Variants in CMSS1 observed in about 807,000 individuals in gnomAD.
CMSS1 encodes the protein cms1 ribosomal small subunit homolog.
A neutral mutation model predicts 43.5 loss-of-function variants in CMSS1; 33 were observed. The observed-to-expected ratio is 0.76, with a 90% CI of 0.57 to 1.01. The LOEUF (loss-of-function observed/expected upper bound fraction) is 1.01. Among genes scored for constraint, CMSS1 ranks in the 50% least tolerant of loss-of-function variants. The pLI is 0.00. For synonymous variants in CMSS1, 115 were observed against 117.2 expected, an observed-to-expected ratio of 0.98 and a Z score of 0.12; for missense variants, 313 against 326.4, an observed-to-expected ratio of 0.96 and a Z score of 0.32.
intron 2 of CMSS1, among the ~76,000 whole-genome samples, chr3:100,147,853 A>T (rs191758904): frequency 6.6e-6 from 1 of 152,108 alleles, no homozygotes; most frequent in Non-Finnish European, 1.5e-5. Context: ...AGAATTGGCC[A>T]TTTGGATAAT....
At chr3:100,028,564 A>C (rs2064968149) in intron 1 of CMSS1, among the ~76,000 whole-genome samples, 1 of 152,156 alleles carries the variant, frequency 6.6e-6, no homozygotes, top group Non-Finnish European at 1.5e-5. Context: ...CTAATTACAA[A>C]ATTTTTCATT....
intron 9 of CMSS1, among the ~76,000 whole-genome samples, chr3:100,177,991 C>T (rs1476492914): frequency 6.6e-6 from 1 of 152,148 alleles, no homozygotes; most frequent in African/African-American, 2.4e-5. Flanking sequence ...TCATGGCACA[C>T]ACCTCTAATC....
At chr3:99,853,670 A>C (rs139853178) in intron 1 of CMSS1, among the ~76,000 whole-genome samples, 1 of 152,144 alleles carries the variant, frequency 6.6e-6, no homozygotes, top group Non-Finnish European at 1.5e-5. Flanking sequence ...GTTTTTGTAA[A>C]TTAGTTGGCA....
chr3:99,998,431 A>T (rs1576630456), intron 1 of CMSS1, among the ~76,000 whole-genome samples: 1 of 152,218 alleles, frequency 6.6e-6, no homozygotes, highest in African/African-American at 2.4e-5. Context: ...TAAACTATAT[A>T]TACGTACTCA....
At chr3:99,894,270 T>A (rs751285938) in intron 1 of CMSS1, among the ~76,000 whole-genome samples, 15 of 152,204 alleles carry the variant, frequency 9.9e-5, no homozygotes, top group Non-Finnish European at 2.1e-4. Flanking sequence ...GATCTGTATC[T>A]GAAAAGGTGT....
At position 100,171,903 on chromosome 3, in the gene CMSS1, A is replaced by G. The variant is rs2067113226; in HGVS notation, c.579+4A>G. 1 of 1,612,720 alleles carries G rather than the reference A, an allele frequency of 6.2e-7. No homozygotes were observed. The highest frequency in any genetic ancestry group is 1.3e-5 in the African/African-American group (1 of 75,028). ...ATTATTTGCAAAGCACATAAAGGTA[A>G]GCAAGGGCCTGTGTGATCCCTAAAG... On this transcript the variant is annotated splice_donor_region_variant and intron_variant, in intron 7 of 9. Coordinates refer to ENST00000421999, the MANE Select transcript of CMSS1 (RefSeq NM_032359.4).
intron 1 of CMSS1, among the ~76,000 whole-genome samples, chr3:99,971,265 G>A (rs748945738): frequency 1.3e-5 from 2 of 151,868 alleles, no homozygotes; most frequent in African/African-American, 4.8e-5. Context: ...GCGTGAACCC[G>A]GGGCGCGGAG....
At chr3:99,831,304 T>C (rs1357999335) in intron 1 of CMSS1, among the ~76,000 whole-genome samples, 4 of 152,234 alleles carry the variant, frequency 2.6e-5, no homozygotes, top group Non-Finnish European at 5.9e-5. Context: ...ATGCTTTAAT[T>C]ATTTACATGT....
chr3:99,845,415 G>A (rs1348357860), intron 1 of CMSS1, among the ~76,000 whole-genome samples: 1 of 152,148 alleles, frequency 6.6e-6, no homozygotes, highest in Non-Finnish European at 1.5e-5. Context: ...AATGGTATGA[G>A]TTTTTCAGAG....
intron 1 of CMSS1, among the ~76,000 whole-genome samples, chr3:99,823,293 T>A (rs190713313): frequency 1.4e-4 from 21 of 152,192 alleles, no homozygotes; most frequent in African/African-American, 4.8e-4. Context: ...AAGCTTAACA[T>A]ATGTGGCTGC....
intron 1 of CMSS1, among the ~76,000 whole-genome samples, chr3:99,904,580 T>G (rs1185294820): frequency 1.3e-5 from 2 of 152,362 alleles, no homozygotes; most frequent in East Asian, 3.9e-4. Context: ...ATAGTAAGCC[T>G]TGAGGTTTCC....
At chr3:99,841,648 A>G (rs1377073444) in intron 1 of CMSS1, among the ~76,000 whole-genome samples, 2 of 152,218 alleles carry the variant, frequency 1.3e-5, no homozygotes, top group Non-Finnish European at 2.9e-5. Context: ...AAACAGGCGC[A>G]ATCCCATCAT....
intron 1 of CMSS1, chr3:100,075,458 A>G (rs1388118983): frequency 6.6e-6 from 1 of 152,122 alleles, no homozygotes; most frequent in African/African-American, 2.4e-5. Flanking sequence ...TGTTCTTTAA[A>G]CATCTCTTGC....
intron 1 of CMSS1, among the ~76,000 whole-genome samples, chr3:99,970,132 C>T (rs7650727): frequency 0.49 from 75,020 of 152,024 alleles, 18,933 homozygotes; most frequent in East Asian, 0.69. Context: ...TCATACTTTG[C>T]GTGCATTAAA....
chr3:100,146,270 A>G (rs2066848761), intron 1 of CMSS1, among the ~76,000 whole-genome samples: 1 of 152,158 alleles, frequency 6.6e-6, no homozygotes, highest in African/African-American at 2.4e-5. Context: ...GTAAGAATTT[A>G]TTTTTTCTAT....
At chr3:100,163,260 T>C (rs765423900) in intron 4 of CMSS1, among the ~76,000 whole-genome samples, 1 of 152,246 alleles carries the variant, frequency 6.6e-6, no homozygotes, top group Non-Finnish European at 1.5e-5. Flanking sequence ...TCAACTATTA[T>C]AGACAAGAAC....
At chr3:99,988,728 C>A (rs1159335916) in intron 1 of CMSS1, among the ~76,000 whole-genome samples, 1 of 152,052 alleles carries the variant, frequency 6.6e-6, no homozygotes, top group Non-Finnish European at 1.5e-5. Flanking sequence ...ATAAAAAAAG[C>A]ATTGTCTGGA....
Position 100,169,802 on chromosome 3 carries a change from C to T in CMSS1, c.518+1962C>T, listed in dbSNP as rs964761847. ...CACTGACTTTTCAGTGCTTTAAAAA[C>T]TACCTCATTTCACATTCAGATGCTA... On this transcript the variant is annotated intron_variant, in intron 6 of 9. Coordinates refer to ENST00000421999, the MANE Select transcript of CMSS1 (RefSeq NM_032359.4). 4.7e-4 allele frequency among the ~76,000 whole-genome samples: 72 copies of T among 152,236 alleles called. 2 individuals carry two copies. Among genetic ancestry groups the T allele is most frequent in the Admixed American group, 1.3e-4 (2 of 15,288 alleles).
intron 1 of CMSS1, among the ~76,000 whole-genome samples, chr3:100,098,068 C>G (rs530345018): frequency 6.6e-6 from 1 of 152,230 alleles, no homozygotes; most frequent in South Asian, 2.1e-4. Flanking sequence ...GCAACAAGAT[C>G]ATAGGTCAGG....
Sources: gnomAD v4.1 joint callset for allele counts (sites outside exome capture counted in the v4.1 genomes callset) on GRCh38, gnomAD v4.1.1 for gene constraint, MANE v1.5 for transcripts, NCBI Gene and HGNC (gene_info 2026-07-23, HGNC 2026-07-21) for gene names.